Variants in ARAP2 observed in about 807,000 individuals in gnomAD.
ARAP2 encodes arf-GAP with Rho-GAP domain, ANK repeat and PH domain-containing protein 2.
A neutral mutation model predicts 194.5 loss-of-function variants in ARAP2; 148 were observed. The ratio of observed to expected loss-of-function variants is 0.76; its 90% CI spans 0.67 to 0.87. The LOEUF is 0.87. ARAP2 is among the 40% of genes least tolerant of loss of function. The pLI is 0.00. For synonymous variants in ARAP2, 695 were observed against 683.5 expected, an observed-to-expected ratio of 1.02 and a Z score of -0.26; for missense variants, 2,128 against 1,989.7, an observed-to-expected ratio of 1.07 and a Z score of -1.32.
At chr4:36,094,219 T>G (rs1714564537) in intron 27 of ARAP2, among the ~76,000 whole-genome samples, 1 of 152,222 alleles carries the variant, frequency 6.6e-6, no homozygotes, top group Non-Finnish European at 1.5e-5. Context: ...CTCAAAAGTT[T>G]GATGACACAT....
chr4:36,176,794 G>A (rs1190768507), intron 9 of ARAP2, among the ~76,000 whole-genome samples: 1 of 152,086 alleles, frequency 6.6e-6, no homozygotes, highest in Non-Finnish European at 1.5e-5. Context: ...TATTTAATGT[G>A]TAAGTTCACA....
intron 15 of ARAP2, among the ~76,000 whole-genome samples, chr4:36,153,812 C>T (rs6849490): frequency 0.68 from 103,860 of 152,104 alleles, 36,086 homozygotes; most frequent in East Asian, 0.84. Context: ...ACTACTCCTC[C>T]TCTTCATCAT....
chr4:36,119,610 TTTTG>T, intron 24 of ARAP2, 36 bp downstream of exon 24: 1 of 1,433,432 alleles, frequency 7.0e-7, no homozygotes. Flanking sequence ...GAAGTTTTTG[TTTTG>T]TTTAATTATT....
At position 36,177,989 on chromosome 4, in the gene ARAP2, C is replaced by G. The variant is rs1181632746; in HGVS notation, c.1695G>C (p.Trp565Cys). The change falls in exon 9 of 33, where the codon TGG becomes TGC. Residue 565 changes from tryptophan to cysteine, a missense_variant. Trp to Cys is a radical substitution (Grantham distance 215). Transcript: ENST00000303965. ...TCAGTGCATTTAATAGTATGCTGAT[C>G]CAGTCATTTCTCTCCTCTGAAAATG... ...RVEKEEERND[W>C]ISILLNALKS... 1 of 1,598,154 alleles carries G rather than the reference C, an allele frequency of 6.3e-7. No homozygotes were observed. The highest frequency in any genetic ancestry group is 8.5e-7 in the Non-Finnish European group (1 of 1,174,290).
chr4:36,114,594 T>C (rs549063433), intron 25 of ARAP2, among the ~76,000 whole-genome samples: 26 of 152,026 alleles, frequency 1.7e-4, no homozygotes, highest in South Asian at 4.1e-4. Context: ...CGCCAGACAA[T>C]GAATCCAACA....
chr4:36,224,125 C>G (rs1749743406), intron 2 of ARAP2, among the ~76,000 whole-genome samples: 1 of 149,048 alleles, frequency 6.7e-6, no homozygotes, highest in Non-Finnish European at 1.5e-5. Context: ...AAGATATCCC[C>G]TTATGAACTG....
intron 5 of ARAP2, among the ~76,000 whole-genome samples, chr4:36,031,666 C>CTTTTTTTTTTTTTTTTTTTTT (rs67436021): frequency 6.8e-6 from 1 of 146,228 alleles, no homozygotes; most frequent in African/African-American, 2.5e-5. Context: ...GATTTAAAAT[C>CTTTTTTTTTTTTTTTTTTTTT]TTTTTTTTTT....
At chr4:36,076,037 G>C (rs903140773) in intron 31 of ARAP2, among the ~76,000 whole-genome samples, 1 of 152,102 alleles carries the variant, frequency 6.6e-6, no homozygotes, top group Non-Finnish European at 1.5e-5. Context: ...GATCATTTAA[G>C]AAAATACTCC....
At chr4:36,018,447 CAAA>C (rs34023851) in intron 6 of ARAP2, among the ~76,000 whole-genome samples, 8,305 of 136,176 alleles carry the variant, frequency 0.061, 555 homozygotes, top group African/African-American at 0.18. Context: ...CTCAATATCT[CAAA>C]AAAAAAAAAA....
intron 6 of ARAP2, 95 bp from the exon 7 acceptor site, chr4:36,193,742 T>A: frequency 1.0e-6 from 1 of 971,378 alleles, no homozygotes; most frequent in Non-Finnish European, 1.5e-6. Context: ...TATATTATTA[T>A]TTAATGTTAA....
At position 36,193,569 on chromosome 4, in the gene ARAP2, T is replaced by C. The variant is rs755405210; in HGVS notation, c.1557+9A>G. The C allele has an allele frequency of 4.3e-5, 67 of 1,557,480 alleles. 1 individual carries two copies. The highest frequency in any genetic ancestry group is 4.0e-4 in the South Asian group (31 of 78,152). ...AAAGCAATTTTTGAAAACTGTAAAA[T>C]GTATTTACCTTCTCATTATTGTAGT... On this transcript the variant is annotated intron_variant, in intron 7 of 32. Coordinates refer to ENST00000303965, the MANE Select transcript of ARAP2 (RefSeq NM_015230.4).
intron 1 of ARAP2, among the ~76,000 whole-genome samples, chr4:36,237,649 C>T (rs1752695390): frequency 2.0e-5 from 3 of 152,174 alleles, no homozygotes; most frequent in Admixed American, 2.0e-4. Context: ...TGAGGCCTCA[C>T]CAGAAGCTGA....
chr4:36,156,819 A>C (rs1732670543), intron 15 of ARAP2, among the ~76,000 whole-genome samples: 1 of 152,232 alleles, frequency 6.6e-6, no homozygotes. Flanking sequence ...CAAAATACAA[A>C]AGCTCACTTT....
chr4:36,042,955 G>T (rs1053242601), intron 5 of ARAP2, among the ~76,000 whole-genome samples: 4 of 151,058 alleles, frequency 2.6e-5, no homozygotes, highest in African/African-American at 9.8e-5. Flanking sequence ...CAATTCTCCT[G>T]CCTCAGCCTA....
At chr4:36,058,507 G>A (rs1297171672) in intron 1 of ARAP2, among the ~76,000 whole-genome samples, 1 of 152,128 alleles carries the variant, frequency 6.6e-6, no homozygotes, top group Non-Finnish European at 1.5e-5. Flanking sequence ...TAAAATATTA[G>A]CCCACATCTT....
chr4:36,203,072 A>C (rs1744752143), intron 6 of ARAP2, among the ~76,000 whole-genome samples: 1 of 152,202 alleles, frequency 6.6e-6, no homozygotes, highest in Non-Finnish European at 1.5e-5. Flanking sequence ...TTGCACTCCA[A>C]CATCACAGAA....
chr4:36,162,976 G>C (rs1207084028), intron 11 of ARAP2, among the ~76,000 whole-genome samples: 1 of 152,160 alleles, frequency 6.6e-6, no homozygotes, highest in Admixed American at 6.5e-5. Flanking sequence ...ATATGAAAAT[G>C]TGCAGTTTTA....
chr4:36,193,657 A>G lies in ARAP2; in HGVS notation c.1488-10T>C, dbSNP rs1460675069. On this transcript the variant is annotated splice_polypyrimidine_tract_variant and intron_variant, in intron 6 of 32. Transcript: ENST00000303965. ...TTGAAACATGCGTTTTCTGCAAAAC[A>G]TATGAAATTGTTATTTTACATTCAA... 5.0e-6 allele frequency: 8 copies of G among 1,595,086 alleles called. No homozygotes were observed. In the South Asian group the frequency reaches 6.9e-5, roughly 14 times the overall value.
Position 36,114,302 on chromosome 4 carries a change from A to G in ARAP2, c.4039-15T>C. On this transcript the variant is annotated splice_polypyrimidine_tract_variant and intron_variant, in intron 25 of 32. Transcript: ENST00000303965. The stretch of plus-strand genomic sequence containing the variant: ...ACAGGAGATATCTGTAAGAGAAGTA[A>G]TATTTTTTCAAAAAACGTGTTAGAC... 6.6e-7 allele frequency: 1 copy of G among 1,514,200 alleles called. No individual in the cohort carries two copies. The highest frequency in any genetic ancestry group is 1.2e-5 in the South Asian group (1 of 84,572). The allele number at this position is 1,514,200 out of a possible 1,614,324, so 93.8% of individuals were successfully genotyped here.
Sources: gnomAD v4.1 joint callset for allele counts (sites outside exome capture counted in the v4.1 genomes callset) on GRCh38, gnomAD v4.1.1 for gene constraint, MANE v1.5 for transcripts, NCBI Gene and HGNC (gene_info 2026-07-23, HGNC 2026-07-21) for gene names.